Variants in DYNLT2B observed in about 807,000 individuals in gnomAD.
DYNLT2B encodes the protein dynein light chain Tctex-type protein 2B.
DYNLT2B carries 14 observed loss-of-function variants against 19.5 expected under a neutral mutation model. That is an observed-to-expected ratio of 0.72 (90% CI 0.47 to 1.12). The LOEUF is 1.12. DYNLT2B is among the 50% of genes most tolerant of loss of function. The probability of loss-of-function intolerance (pLI) is 0.00; values close to 1 mark genes in which losing one functional copy is unlikely to be tolerated. For missense variants in DYNLT2B, 133 were observed against 174.7 expected (o/e 0.76, Z 1.35); for synonymous variants, 70 against 59.7 (o/e 1.17, Z -0.79).
At chr3:196,314,508 T>A (rs73212166) in intron 2 of DYNLT2B, among the ~76,000 whole-genome samples, 12,144 of 142,148 alleles carry the variant, frequency 0.085, 611 homozygotes, top group African/African-American at 0.14. Context: ...TCAGACGGTA[T>A]AACATTATTA....
At chr3:196,311,457 AAGAC>A (rs1726640558) in intron 2 of DYNLT2B, among the ~76,000 whole-genome samples, 1 of 151,946 alleles carries the variant, frequency 6.6e-6, no homozygotes. Flanking sequence ...ATAAATATAG[AAGAC>A]AAAGATGGCT....
Position 196,306,982 on chromosome 3 carries a change from A to G in DYNLT2B, c.278T>C (p.Val93Ala). 6.2e-7 allele frequency: 1 copy of G among 1,614,128 alleles called. No homozygotes were observed. Among genetic ancestry groups the G allele is most frequent in the Non-Finnish European group, 8.5e-7 (1 of 1,179,972 alleles). Residue 93 changes from valine to alanine, a missense_variant, in exon 3 of 5, where the codon GTG becomes GCG. Val to Ala is a moderately conservative substitution (Grantham distance 64). Coordinates refer to ENST00000325318, the MANE Select transcript of DYNLT2B (RefSeq NM_152773.5). Reference sequence around the variant, plus strand: ...TCTTTGTTCTCCAATCACTACTTGCACCACCATTTTGTATCGGTCAAATCC... The same window carrying G: ...TCTTTGTTCTCCAATCACTACTTGCGCCACCATTTTGTATCGGTCAAATCC... The part of the protein sequence containing the change: ...EMGFDRYKMV[V>A]QVVIGEQRGE...
chr3:196,309,724 G>A (rs888167728), intron 2 of DYNLT2B, among the ~76,000 whole-genome samples: 1 of 151,874 alleles, frequency 6.6e-6, no homozygotes, highest in Non-Finnish European at 1.5e-5. Context: ...AGGCTGAGGC[G>A]GGTGGATCAC....
intron 4 of DYNLT2B, among the ~76,000 whole-genome samples, chr3:196,292,823 G>C (rs1018155564): frequency 2.6e-5 from 4 of 151,972 alleles, no homozygotes; most frequent in Non-Finnish European, 5.9e-5. Context: ...CATTTCCTCT[G>C]CCTCTACTAA....
At chr3:196,300,900 C>T (rs1396068951) in intron 3 of DYNLT2B, among the ~76,000 whole-genome samples, 1 of 150,822 alleles carries the variant, frequency 6.6e-6, no homozygotes, top group Non-Finnish European at 1.5e-5. Flanking sequence ...TCAACAAAAA[C>T]ATACAAAAAT....
intron 1 of DYNLT2B, among the ~76,000 whole-genome samples, chr3:196,317,145 T>A (rs1436053331): frequency 4.2e-5 from 4 of 94,620 alleles, no homozygotes; most frequent in Admixed American, 3.6e-4. Context: ...GAGCCTGACA[T>A]TTTTTTTCAG....
intron 3 of DYNLT2B, among the ~76,000 whole-genome samples, chr3:196,303,846 T>C (rs1726415993): frequency 6.6e-6 from 1 of 152,186 alleles, no homozygotes; most frequent in South Asian, 2.1e-4. Flanking sequence ...TAATAAATGT[T>C]CCATACTATG....
At chr3:196,317,281 T>TG (rs200869314) in intron 1 of DYNLT2B, among the ~76,000 whole-genome samples, 29 of 52,662 alleles carry the variant, frequency 5.5e-4, no homozygotes, top group East Asian at 4.7e-3. Context: ...TGTGTGTGTG[T>TG]TGTGTGTGTG....
chr3:196,300,268 G>A (rs1044452046), intron 3 of DYNLT2B, among the ~76,000 whole-genome samples: 54 of 152,098 alleles, frequency 3.6e-4, no homozygotes, highest in African/African-American at 1.3e-3. Context: ...AATTTGTTAC[G>A]GCAGCAACAG....
intron 3 of DYNLT2B, among the ~76,000 whole-genome samples, chr3:196,305,498 AAAAT>A (rs1485618364): frequency 6.6e-6 from 1 of 152,182 alleles, no homozygotes; most frequent in African/African-American, 2.4e-5. Flanking sequence ...ATGGCAGGAA[AAAAT>A]AAATAAATAA....
intron 3 of DYNLT2B, 87 bp from the exon 4 acceptor site, chr3:196,296,156 T>C: frequency 9.0e-7 from 1 of 1,109,916 alleles, no homozygotes; most frequent in Non-Finnish European, 1.4e-6. Context: ...TGTTCCTTAA[T>C]ACATTCTCAT....
intron 2 of DYNLT2B, among the ~76,000 whole-genome samples, chr3:196,308,634 GCT>G (rs1462590574): frequency 6.6e-6 from 1 of 152,230 alleles, no homozygotes; most frequent in Admixed American, 6.5e-5. Context: ...GAAAGAGCCA[GCT>G]CTCTCTGATG....
chr3:196,294,271 C>T (rs1168871359), intron 4 of DYNLT2B, among the ~76,000 whole-genome samples: 2 of 152,084 alleles, frequency 1.3e-5, no homozygotes, highest in Admixed American at 6.6e-5. Flanking sequence ...CACTTCAACC[C>T]GGGAGGTGGA....
chr3:196,301,803 CTA>C (rs1370089706), intron 3 of DYNLT2B, among the ~76,000 whole-genome samples: 1 of 151,936 alleles, frequency 6.6e-6, no homozygotes, highest in Non-Finnish European at 1.5e-5. Context: ...AAGCCTTTTA[CTA>C]GATAACTGAA....
In DYNLT2B at chr3:196,317,952, C is replaced by A. The variant is rs1726927852; in HGVS notation, c.113+88G>T. 4.1e-6 allele frequency: 3 copies of A among 726,838 alleles called. No individual in the cohort carries two copies. The African/African-American group carries it at 5.5e-5, about 13-fold the overall frequency. 45.0% of individuals were successfully genotyped at this position (726,838 alleles called of 1,614,324 possible). ...CCGCGGACCCCGCGCGTCCCCCGCGCTCCTTCCGTGGCCCAGGTCCCAGGC... is the reference window on the plus strand; with the variant it reads ...CCGCGGACCCCGCGCGTCCCCCGCGATCCTTCCGTGGCCCAGGTCCCAGGC... On this transcript the variant is annotated intron_variant, in intron 1 of 4. Coordinates refer to ENST00000325318, the MANE Select transcript of DYNLT2B (RefSeq NM_152773.5).
rs1206073416 is a variant in DYNLT2B, at chr3:196,318,237, G to C, written c.-85C>G. The C allele has an allele frequency of 3.0e-6, 2 of 662,640 alleles. No individual in the cohort carries two copies. Among genetic ancestry groups the C allele is most frequent in the Admixed American group, 7.8e-5 (2 of 25,760 alleles). 41.0% of individuals were successfully genotyped at this position (662,640 alleles called of 1,614,324 possible). A position where few individuals can be genotyped will look rare whatever the true frequency, so the allele number is the denominator to read the frequency against. The stretch of plus-strand genomic sequence containing the variant: ...GCCGGCAGCAGGGAAAGCGTCTCCA[G>C]GGCAACAGGGCCGCCCTCCCGCCTC... On this transcript the variant is annotated 5_prime_UTR_variant, in exon 1 of 5. Transcript: ENST00000325318.
At chr3:196,303,208 C>G (rs1726401106) in intron 3 of DYNLT2B, among the ~76,000 whole-genome samples, 1 of 151,860 alleles carries the variant, frequency 6.6e-6, no homozygotes, top group Non-Finnish European at 1.5e-5. Context: ...AATCAGCACT[C>G]CCGGCTCACT....
intron 3 of DYNLT2B, among the ~76,000 whole-genome samples, chr3:196,299,112 T>C (rs1361488934): frequency 6.8e-6 from 1 of 147,086 alleles, no homozygotes; most frequent in East Asian, 2.0e-4. Flanking sequence ...TGAGATGGAG[T>C]TTCACTCTGT....
chr3:196,312,474 C>T (rs370559151), intron 2 of DYNLT2B, among the ~76,000 whole-genome samples: 2 of 147,434 alleles, frequency 1.4e-5, no homozygotes, highest in Non-Finnish European at 3.0e-5. Context: ...GGTGGAGGGG[C>T]GGGGGATGGA....
Sources: allele counts gnomAD v4.1 joint callset (sites outside exome capture counted in the v4.1 genomes callset), GRCh38; gene constraint gnomAD v4.1.1; transcripts MANE v1.5; gene names NCBI Gene and HGNC (gene_info 2026-07-23, HGNC 2026-07-21).